Variants in NCR3LG1 observed in about 807,000 individuals in gnomAD.
The protein encoded by NCR3LG1 is natural killer cell cytotoxicity receptor 3 ligand 1, also known as natural cytotoxicity triggering receptor 3 ligand 1.
NCR3LG1 carries 35 observed loss-of-function variants against 34.8 expected under a neutral mutation model. The ratio of observed to expected loss-of-function variants is 1.01; its 90% confidence interval spans 0.77 to 1.33. The LOEUF is 1.33. NCR3LG1 is among the 40% of genes most tolerant of loss of function. The pLI is 0.00. For synonymous variants in NCR3LG1, 173 were observed against 163.6 expected (o/e 1.06, Z -0.44); for missense variants, 452 against 423.3 (o/e 1.07, Z -0.60).
At chr11:17,370,421 C>A (rs370333792) in intron 4 of NCR3LG1, among the ~76,000 whole-genome samples, 8 of 152,238 alleles carry the variant, frequency 5.3e-5, no homozygotes, top group African/African-American at 1.9e-4. Context: ...TAGGAGCGGA[C>A]CTCCAAACTC....
At chr11:17,361,741 G>C (rs2133348537) in intron 2 of NCR3LG1, among the ~76,000 whole-genome samples, 1 of 151,416 alleles carries the variant, frequency 6.6e-6, no homozygotes, top group East Asian at 1.9e-4. Context: ...TTTGTTTTTG[G>C]CCAAGTCTTG....
At chr11:17,381,253 G>C (rs1953511776), downstream of NCR3LG1, 1 of 152,294 alleles carries the variant, frequency 6.6e-6, no homozygotes, top group South Asian at 2.1e-4. Flanking sequence ...GGATTAGAAT[G>C]AGGGAAGTAA....
chr11:17,358,805 A>G (rs766119755), intron 2 of NCR3LG1, among the ~76,000 whole-genome samples: 1 of 152,218 alleles, frequency 6.6e-6, no homozygotes, highest in Non-Finnish European at 1.5e-5. Context: ...ACTTTGTGTT[A>G]TAATGCAATA....
At chr11:17,362,718 T>C (rs1203619773) in intron 2 of NCR3LG1, among the ~76,000 whole-genome samples, 2 of 92,964 alleles carry the variant, frequency 2.2e-5, no homozygotes, top group Admixed American at 1.1e-4. Context: ...CTTTCTTTCT[T>C]TCTTTCTTTC....
intron 3 of NCR3LG1, 99 bp from the exon 4 acceptor site, chr11:17,368,768 G>A (rs2133360213): frequency 1.3e-6 from 1 of 787,210 alleles, no homozygotes; most frequent in Non-Finnish European, 2.1e-6. Flanking sequence ...TCTCTGACAA[G>A]GAGGATGACA....
At chr11:17,357,642 T>C (rs942904494) in intron 2 of NCR3LG1, among the ~76,000 whole-genome samples, 3 of 140,228 alleles carry the variant, frequency 2.1e-5, no homozygotes, top group African/African-American at 8.0e-5. Flanking sequence ...ACAGTGGCTA[T>C]ATATACGGCC....
intron 1 of NCR3LG1, among the ~76,000 whole-genome samples, chr11:17,355,896 C>T (rs1483156029): frequency 6.6e-6 from 1 of 152,256 alleles, no homozygotes; most frequent in Non-Finnish European, 1.5e-5. Flanking sequence ...CTTCTGGGCA[C>T]AAGGGATCCT....
downstream of NCR3LG1, among the ~76,000 whole-genome samples, chr11:17,378,084 A>G: frequency 6.6e-6 from 1 of 152,178 alleles, no homozygotes; most frequent in East Asian, 1.9e-4. Context: ...TTATGATGCC[A>G]CAAGGGTAGA....
At chr11:17,362,765 T>TTTCTTTCC (rs1564856535) in intron 2 of NCR3LG1, among the ~76,000 whole-genome samples, 20 of 107,194 alleles carry the variant, frequency 1.9e-4, no homozygotes, top group Admixed American at 4.8e-4. Context: ...TCTTTCTTTC[T>TTTCTTTCC]TTCCTTCCTT....
intron 1 of NCR3LG1, among the ~76,000 whole-genome samples, chr11:17,355,454 A>C (rs1223254774): frequency 6.6e-6 from 1 of 152,164 alleles, no homozygotes; most frequent in Admixed American, 6.5e-5. Context: ...TTACAATAGC[A>C]TCAAAAGATA....
chr11:17,366,222 G>A (rs1953342800), intron 2 of NCR3LG1, among the ~76,000 whole-genome samples: 1 of 152,120 alleles, frequency 6.6e-6, no homozygotes, highest in Non-Finnish European at 1.5e-5. Flanking sequence ...TTGTCACTCT[G>A]CCATCTTCAG....
Position 17,356,572 on chromosome 11 carries a change from A to G in NCR3LG1, c.71-79A>G, listed in dbSNP as rs775266820. 7.8e-5 allele frequency: 83 copies of G among 1,064,492 alleles called. 1 individual carries two copies. The Middle Eastern group carries it at 1.3e-3, about 16-fold the overall frequency. 65.9% of individuals were successfully genotyped at this position (1,064,492 alleles called of 1,614,324 possible). A position where few individuals can be genotyped will look rare whatever the true frequency, so the allele number is the denominator to read the frequency against. Reference sequence around the variant, plus strand: ...CCTCCATATGAATTTTGGAGGACTCAAGCATTCAGTCCATAGCACATCTCA... The same window carrying G: ...CCTCCATATGAATTTTGGAGGACTCGAGCATTCAGTCCATAGCACATCTCA... On this transcript the variant is annotated intron_variant, in intron 1 of 4. Coordinates refer to ENST00000338965, the MANE Select transcript of NCR3LG1 (RefSeq NM_001202439.3).
chr11:17,360,457 A>G (rs567615214), intron 2 of NCR3LG1, among the ~76,000 whole-genome samples: 135 of 152,308 alleles, frequency 8.9e-4, no homozygotes, highest in African/African-American at 3.1e-3. Flanking sequence ...CCTAAAGCTC[A>G]TCACCAAACC....
At chr11:17,369,926 G>A (rs192008071) in intron 4 of NCR3LG1, among the ~76,000 whole-genome samples, 3 of 152,296 alleles carry the variant, frequency 2.0e-5, no homozygotes, top group African/African-American at 7.2e-5. Context: ...AGAACAGCCT[G>A]AAAAATCAAA....
intron 2 of NCR3LG1, among the ~76,000 whole-genome samples, chr11:17,364,523 A>T (rs1420702913): frequency 6.7e-6 from 1 of 149,494 alleles, no homozygotes; most frequent in Admixed American, 6.7e-5. Flanking sequence ...TAACATCTTC[A>T]AGCTCACTGA....
chr11:17,362,531 T>C (rs908962716), intron 2 of NCR3LG1, among the ~76,000 whole-genome samples: 3 of 152,068 alleles, frequency 2.0e-5, no homozygotes, highest in African/African-American at 4.8e-5. Flanking sequence ...CTGGAAGAAA[T>C]TGTAAAAAAC....
At chr11:17,363,702 T>C (rs1953313363) in intron 2 of NCR3LG1, among the ~76,000 whole-genome samples, 2 of 151,972 alleles carry the variant, frequency 1.3e-5, no homozygotes, top group Non-Finnish European at 2.9e-5. Flanking sequence ...GCCCAAGTGA[T>C]CCTCCCACCT....
intron 1 of NCR3LG1, 151 bp from the exon 2 acceptor site, chr11:17,356,500 G>A (rs180832346): frequency 2.6e-5 from 16 of 621,812 alleles, no homozygotes; most frequent in East Asian, 5.5e-5. Context: ...TGACCTAATC[G>A]CTTCCCAAAG....
chr11:17,366,026 T>G (rs1238232118), intron 2 of NCR3LG1, among the ~76,000 whole-genome samples: 3 of 152,268 alleles, frequency 2.0e-5, no homozygotes, highest in Non-Finnish European at 4.4e-5. Flanking sequence ...CTGTTGATTT[T>G]CAATTTGTTC....
Sources: gnomAD v4.1 joint callset for allele counts (sites outside exome capture counted in the v4.1 genomes callset) on GRCh38, gnomAD v4.1.1 for gene constraint, MANE v1.5 for transcripts, NCBI Gene and HGNC (gene_info 2026-07-23, HGNC 2026-07-21) for gene names.